Variants in CNTNAP2 observed in about 807,000 individuals in gnomAD.
CNTNAP2 encodes the protein contactin-associated protein-like 2.
In CNTNAP2, 98 loss-of-function variants were observed where a neutral mutation model predicts 155.2. The ratio of observed to expected loss-of-function variants is 0.63; its 90% CI spans 0.54 to 0.75. The LOEUF (loss-of-function observed/expected upper bound fraction) is 0.75. Among genes scored for constraint, CNTNAP2 ranks in the 30% least tolerant of loss-of-function variants. The probability of loss-of-function intolerance (pLI) is 0.00; values close to 1 mark genes in which losing one functional copy is unlikely to be tolerated. For synonymous variants in CNTNAP2, 651 were observed against 631.2 expected, an observed-to-expected ratio of 1.03 and a Z score of -0.47; for missense variants, 1,727 against 1,688.1, an observed-to-expected ratio of 1.02 and a Z score of -0.40.
At chr7:146,808,824 T>G (rs1803013474) in intron 2 of CNTNAP2, among the ~76,000 whole-genome samples, 1 of 152,208 alleles carries the variant, frequency 6.6e-6, no homozygotes, top group African/African-American at 2.4e-5. Flanking sequence ...TTATCAAGCT[T>G]ATATTCATAA....
At position 147,992,989 on chromosome 7, in the gene CNTNAP2, G is replaced by T. The variant is rs151237828; in HGVS notation, c.2383+15000G>T. 5.1e-3 allele frequency among the ~76,000 whole-genome samples: 778 copies of T among 152,280 alleles called. 8 individuals are homozygous for T. The highest frequency in any genetic ancestry group is 0.017 in the African/African-American group (708 of 41,548). ...CTGAATAGGATACAAAGTAGGACTT[G>T]AGCTTAAAAGATGGCCTTTCATTTC... On this transcript the variant is annotated intron_variant, in intron 15 of 23. Transcript: ENST00000361727.
chr7:147,598,275 A>T (rs865783069), intron 12 of CNTNAP2, among the ~76,000 whole-genome samples: 1 of 151,576 alleles, frequency 6.6e-6, no homozygotes, highest in African/African-American at 2.4e-5. Context: ...TCAACTCGTC[A>T]TCTAGGTTTT....
chr7:147,132,611 A>AAAACCTAATCCTGAGCGT, intron 8 of CNTNAP2, 102 bp downstream of exon 8: 1 of 1,463,188 alleles, frequency 6.8e-7, no homozygotes, highest in Non-Finnish European at 9.5e-7. Context: ...GCTCAGGATT[A>AAAACCTAATCCTGAGCGT]GGTTTTAATT....
At chr7:147,007,020 G>A (rs945866663) in intron 3 of CNTNAP2, among the ~76,000 whole-genome samples, 1 of 152,114 alleles carries the variant, frequency 6.6e-6, no homozygotes, top group South Asian at 2.1e-4. Context: ...GCATAAAGAG[G>A]TGTTACCAGT....
intron 1 of CNTNAP2, among the ~76,000 whole-genome samples, chr7:146,400,142 A>G (rs1795693111): frequency 6.6e-6 from 1 of 152,076 alleles, no homozygotes. Context: ...ACCATAGCGA[A>G]CCAACAATTT....
intron 1 of CNTNAP2, among the ~76,000 whole-genome samples, chr7:146,610,566 T>A (rs968905405): frequency 6.6e-6 from 1 of 152,116 alleles, no homozygotes; most frequent in Non-Finnish European, 1.5e-5. Flanking sequence ...AGTAGTTAAT[T>A]TAATATTCTA....
At chr7:146,921,430 A>G (rs1412977171) in intron 3 of CNTNAP2, among the ~76,000 whole-genome samples, 1 of 152,150 alleles carries the variant, frequency 6.6e-6, no homozygotes, top group Non-Finnish European at 1.5e-5. Flanking sequence ...CAGGAAGGCA[A>G]GAGTCGTGTA....
intron 1 of CNTNAP2, among the ~76,000 whole-genome samples, chr7:146,573,508 T>C (rs1296161383): frequency 1.3e-5 from 2 of 152,088 alleles, no homozygotes; most frequent in Admixed American, 6.5e-5. Context: ...ACAGAAACAT[T>C]GCCTGACAGA....
intron 4 of CNTNAP2, among the ~76,000 whole-genome samples, chr7:147,050,044 C>G (rs1584805295): frequency 6.6e-6 from 1 of 152,170 alleles, no homozygotes; most frequent in East Asian, 1.9e-4. Context: ...TTCAATAAAT[C>G]TAAACTCATT....
In CNTNAP2 at chr7:148,277,926, C is replaced by T. The variant is rs1311675824; in HGVS notation, c.3475+10800C>T. Among the ~76,000 whole-genome samples the T allele has an allele frequency of 4.6e-5, 7 of 152,056 alleles. 1 individual carries two copies. The highest frequency in any genetic ancestry group is 7.4e-5 in the Non-Finnish European group (5 of 68,006). On this transcript the variant is annotated intron_variant, in intron 21 of 23. Transcript: ENST00000361727. ...ACTAATCTGCGGGTCAGCTAAGGGC[C>T]GAAGTTTCTCTTGTACACCTCTCGT...
chr7:147,390,232 T>G (rs1796687927), intron 9 of CNTNAP2, among the ~76,000 whole-genome samples: 1 of 152,208 alleles, frequency 6.6e-6, no homozygotes, highest in Admixed American at 6.5e-5. Flanking sequence ...ACATAATGTT[T>G]CACAGGTGTG....
At chr7:147,127,723 G>A (rs1801269588) in intron 6 of CNTNAP2, among the ~76,000 whole-genome samples, 1 of 151,970 alleles carries the variant, frequency 6.6e-6, no homozygotes, top group Admixed American at 6.6e-5. Context: ...TATTCTCATT[G>A]AAAATAAAGT....
chr7:148,310,582 G>A (rs972673119), intron 21 of CNTNAP2, among the ~76,000 whole-genome samples: 23 of 152,034 alleles, frequency 1.5e-4, no homozygotes, highest in African/African-American at 5.3e-4. Flanking sequence ...TTGTCGTGTC[G>A]GTGTCATGAG....
chr7:147,675,050 G>C (rs115338442), intron 13 of CNTNAP2, among the ~76,000 whole-genome samples: 1,565 of 152,064 alleles, frequency 0.01, 36 homozygotes, highest in African/African-American at 0.036. Flanking sequence ...AGCAGTTCTA[G>C]AAGCCAGAAG....
At chr7:147,990,539 G>A (rs1298824154) in intron 15 of CNTNAP2, among the ~76,000 whole-genome samples, 1 of 151,992 alleles carries the variant, frequency 6.6e-6, no homozygotes. Context: ...GGCCAGAGGG[G>A]AGATTATCTT....
At chr7:148,046,081 C>T (rs1369099991) in intron 15 of CNTNAP2, among the ~76,000 whole-genome samples, 1 of 151,974 alleles carries the variant, frequency 6.6e-6, no homozygotes, top group Non-Finnish European at 1.5e-5. Context: ...AATATAGCAC[C>T]AGTTTTTGTT....
At chr7:147,151,627 G>A (rs1029694114) in intron 8 of CNTNAP2, among the ~76,000 whole-genome samples, 1 of 151,544 alleles carries the variant, frequency 6.6e-6, no homozygotes, top group Non-Finnish European at 1.5e-5. Context: ...AAACATAATT[G>A]TTTTGTTTCT....
intron 13 of CNTNAP2, among the ~76,000 whole-genome samples, chr7:147,871,880 G>T (rs1799333728): frequency 6.6e-6 from 1 of 152,114 alleles, no homozygotes; most frequent in South Asian, 2.1e-4. Flanking sequence ...CCCAGTTCTG[G>T]TGTCTTTCCT....
intron 4 of CNTNAP2, among the ~76,000 whole-genome samples, chr7:147,105,893 T>G (rs946751213): frequency 6.6e-6 from 1 of 152,054 alleles, no homozygotes; most frequent in African/African-American, 2.4e-5. Flanking sequence ...TCTACATGAA[T>G]AGCTGTCCTT....
Sources: allele counts gnomAD v4.1 joint callset (sites outside exome capture counted in the v4.1 genomes callset), GRCh38; gene constraint gnomAD v4.1.1; transcripts MANE v1.5; gene names NCBI Gene and HGNC (gene_info 2026-07-23, HGNC 2026-07-21).